The following ZMAT4 variants were observed in gnomAD, a reference collection of about 807,000 sequenced individuals.
The protein encoded by ZMAT4 is zinc finger matrin-type 4.
In ZMAT4, 17 loss-of-function variants were observed where a neutral mutation model predicts 28.7. The observed-to-expected ratio is 0.59, with a 90% confidence interval of 0.41 to 0.89. ZMAT4 has a LOEUF of 0.89. ZMAT4 is among the 40% of genes least tolerant of loss of function. ZMAT4 has a pLI of 0.00. For synonymous variants in ZMAT4, 117 were observed against 109.2 expected (o/e 1.07, Z -0.44); for missense variants, 240 against 283.8 (o/e 0.85, Z 1.11).
intron 4 of ZMAT4, among the ~76,000 whole-genome samples, chr8:40,676,046 C>T (rs957705024): frequency 1.4e-4 from 22 of 152,184 alleles, no homozygotes; most frequent in Non-Finnish European, 2.2e-4. Context: ...AATAACTTTT[C>T]TATGTATTAC....
At chr8:40,878,879 A>C (rs1173974838) in intron 1 of ZMAT4, among the ~76,000 whole-genome samples, 2 of 152,092 alleles carry the variant, frequency 1.3e-5, no homozygotes, top group African/African-American at 4.8e-5. Flanking sequence ...ATTAGCATTG[A>C]GTGGGCAGGG....
In ZMAT4 at chr8:40,683,351, A is replaced by C. The variant is rs112488656; in HGVS notation, c.350-8420T>G. Among the ~76,000 whole-genome samples the C allele has an allele frequency of 9.3e-3, 1,412 of 152,180 alleles. 18 individuals are homozygous for C. The highest frequency in any genetic ancestry group is 0.033 in the African/African-American group (1,362 of 41,524). On this transcript the variant is annotated intron_variant, in intron 4 of 6. Coordinates refer to ENST00000297737, the MANE Select transcript of ZMAT4 (RefSeq NM_024645.3). ...AAACACTACTCAGTCAAGGTGCTAC[A>C]CTCCCTGAGTTCATTATTAAAATCT... is the stretch of plus-strand genomic sequence containing the variant.
At chr8:40,672,437 G>A (rs16889832) in intron 5 of ZMAT4, among the ~76,000 whole-genome samples, 2,868 of 152,202 alleles carry the variant, frequency 0.019, 82 homozygotes, top group African/African-American at 0.066. Context: ...GGAGCGTGTG[G>A]AAAGTTTGGT....
chr8:40,637,052 A>G (rs566314608), intron 5 of ZMAT4, among the ~76,000 whole-genome samples: 31 of 151,626 alleles, frequency 2.0e-4, no homozygotes, highest in African/African-American at 7.5e-4. Context: ...AAAGAAGATG[A>G]GAGTCTGAGT....
At chr8:40,852,421 T>A (rs1817144974) in intron 1 of ZMAT4, among the ~76,000 whole-genome samples, 1 of 152,238 alleles carries the variant, frequency 6.6e-6, no homozygotes, top group Non-Finnish European at 1.5e-5. Flanking sequence ...GTCTGCCTTA[T>A]TAAACGATAG....
At position 40,612,758 on chromosome 8, in the gene ZMAT4, G is replaced by A. The variant is rs543644317; in HGVS notation, c.578-31497C>T. ...CCTAAAAACATGTTCCTTATATTTT[G>A]TATACTTTATTCAATGGGTTTCTAC... On this transcript the variant is annotated intron_variant, in intron 5 of 6. Transcript: ENST00000297737. Among the ~76,000 whole-genome samples, 5 of 128,690 alleles carry A rather than the reference G, an allele frequency of 3.9e-5. No individual in the cohort carries two copies. The East Asian group carries it at 1.0e-3, about 26-fold the overall frequency. 84.4% of individuals were successfully genotyped at this position (128,690 alleles called of 152,430 possible). A position where few individuals can be genotyped will look rare whatever the true frequency, so the allele number is the denominator to read the frequency against.
chr8:40,694,491 C>T (rs1382292594), intron 4 of ZMAT4, among the ~76,000 whole-genome samples: 1 of 152,136 alleles, frequency 6.6e-6, no homozygotes, highest in East Asian at 1.9e-4. Context: ...GCAGGCCTTG[C>T]TACCATCTGC....
chr8:40,768,964 C>T (rs570543765), intron 2 of ZMAT4, among the ~76,000 whole-genome samples: 3 of 152,282 alleles, frequency 2.0e-5, no homozygotes, highest in Non-Finnish European at 4.4e-5. Flanking sequence ...TCAGAGAACA[C>T]ATAGAAAGTT....
At chr8:40,812,706 G>A (rs1379744275) in intron 2 of ZMAT4, among the ~76,000 whole-genome samples, 4 of 152,166 alleles carry the variant, frequency 2.6e-5, no homozygotes, top group African/African-American at 7.2e-5. Flanking sequence ...CGAGGCGGGC[G>A]GATCACCTGA....
At chr8:40,820,935 T>TG (rs530326924) in intron 2 of ZMAT4, among the ~76,000 whole-genome samples, 12 of 10,282 alleles carry the variant, frequency 1.2e-3, no homozygotes, top group East Asian at 6.7e-3. Flanking sequence ...GTGTAGGAAG[T>TG]GGGGGGCATA....
chr8:40,608,198 G>T lies in ZMAT4; in HGVS notation c.578-26937C>A, dbSNP rs117791229. On this transcript the variant is annotated intron_variant, in intron 5 of 6. Transcript: ENST00000297737. ...AGGGTAAAGAAAGACCATCAGATGG[G>T]GGCAGGATTAGGCATGTCTGAGCTC... is the stretch of plus-strand genomic sequence containing the variant. Among the ~76,000 whole-genome samples the T allele has an allele frequency of 3.9e-3, 599 of 152,222 alleles. 2 individuals carry two copies. The highest frequency in any genetic ancestry group is 5.9e-3 in the Non-Finnish European group (404 of 68,004).
intron 3 of ZMAT4, among the ~76,000 whole-genome samples, chr8:40,701,554 G>T (rs904834324): frequency 2.7e-5 from 3 of 111,218 alleles, no homozygotes; most frequent in Admixed American, 1.5e-4. Context: ...GTCTCACTCT[G>T]CCTCCCAGGC....
intron 2 of ZMAT4, among the ~76,000 whole-genome samples, chr8:40,797,382 C>T (rs1814645285): frequency 6.6e-6 from 1 of 152,224 alleles, no homozygotes; most frequent in Non-Finnish European, 1.5e-5. Context: ...CATTACTGCC[C>T]ATCCTGCGTG....
At chr8:40,657,252 C>T (rs1807968690) in intron 5 of ZMAT4, among the ~76,000 whole-genome samples, 1 of 152,092 alleles carries the variant, frequency 6.6e-6, no homozygotes, top group African/African-American at 2.4e-5. Flanking sequence ...TGCTAATACA[C>T]GTATTTATCA....
intron 1 of ZMAT4, among the ~76,000 whole-genome samples, chr8:40,875,238 C>T (rs943335196): frequency 1.3e-5 from 2 of 152,142 alleles, no homozygotes; most frequent in African/African-American, 2.4e-5. Flanking sequence ...CGTGTCCCCT[C>T]CCATAGTACA....
chr8:40,717,176 A>G (rs934729553), intron 3 of ZMAT4, among the ~76,000 whole-genome samples: 1 of 152,176 alleles, frequency 6.6e-6, no homozygotes. Flanking sequence ...CTTGCACACA[A>G]TGAAGGTCCT....
intron 2 of ZMAT4, among the ~76,000 whole-genome samples, chr8:40,768,428 C>T (rs1324454200): frequency 2.0e-5 from 3 of 152,104 alleles, no homozygotes; most frequent in African/African-American, 7.2e-5. Context: ...TTCTTTGTTC[C>T]CTATTTCCTC....
intron 5 of ZMAT4, among the ~76,000 whole-genome samples, chr8:40,618,835 C>T (rs868749181): frequency 6.6e-6 from 1 of 152,164 alleles, no homozygotes; most frequent in South Asian, 2.1e-4. Context: ...GTTTGGGTTT[C>T]CCCAGAAGCG....
intron 6 of ZMAT4, among the ~76,000 whole-genome samples, chr8:40,553,180 C>CT (rs1803419553): frequency 1.3e-5 from 2 of 152,186 alleles, no homozygotes; most frequent in African/African-American, 4.8e-5. Flanking sequence ...CAGAGGCCTC[C>CT]TGCCCACAGC....
Sources: allele counts gnomAD v4.1 joint callset (sites outside exome capture counted in the v4.1 genomes callset), GRCh38; gene constraint gnomAD v4.1.1; transcripts MANE v1.5; gene names NCBI Gene and HGNC (gene_info 2026-07-23, HGNC 2026-07-21).